The following AGBL4 variants were observed in gnomAD, a reference collection of about 807,000 sequenced individuals.
AGBL4 encodes cytosolic carboxypeptidase 6.
A neutral mutation model predicts 66.4 loss-of-function variants in AGBL4; 58 were observed. The ratio of observed to expected loss-of-function variants is 0.87; its 90% CI spans 0.71 to 1.09. AGBL4 has a LOEUF of 1.09. AGBL4 is among the 50% of genes least tolerant of loss of function. The pLI is 0.00. For synonymous variants in AGBL4, 234 were observed against 222.9 expected (o/e 1.05, Z -0.44); for missense variants, 579 against 631.0 (o/e 0.92, Z 0.88).
chr1:48,896,210 G>A (rs1651491511), intron 5 of AGBL4, among the ~76,000 whole-genome samples: 1 of 152,128 alleles, frequency 6.6e-6, no homozygotes, highest in African/African-American at 2.4e-5. Flanking sequence ...GTATCTGCAA[G>A]TTCTTTTTAA....
chr1:48,989,183 C>A (rs917473218), intron 5 of AGBL4, among the ~76,000 whole-genome samples: 1 of 151,962 alleles, frequency 6.6e-6, no homozygotes, highest in Non-Finnish European at 1.5e-5. Context: ...TCTAAATGTA[C>A]GGGTGTGTTC....
chr1:48,751,786 A>G (rs1038524031), intron 6 of AGBL4, among the ~76,000 whole-genome samples: 1 of 152,196 alleles, frequency 6.6e-6, no homozygotes, highest in Non-Finnish European at 1.5e-5. Flanking sequence ...GTTGTTAGAA[A>G]AGGGACAGCC....
At chr1:49,445,936 C>G (rs1175381695) in intron 3 of AGBL4, among the ~76,000 whole-genome samples, 1 of 152,172 alleles carries the variant, frequency 6.6e-6, no homozygotes, top group African/African-American at 2.4e-5. Flanking sequence ...ACTGCAACCT[C>G]TGTCCCCTGA....
At chr1:48,906,949 CTG>C (rs1042801947) in intron 5 of AGBL4, among the ~76,000 whole-genome samples, 27 of 152,280 alleles carry the variant, frequency 1.8e-4, no homozygotes, top group African/African-American at 5.5e-4. Flanking sequence ...TTTACATCAA[CTG>C]TGAAAAACAG....
intron 3 of AGBL4, among the ~76,000 whole-genome samples, chr1:49,302,602 T>A (rs1644768448): frequency 1.6e-5 from 2 of 128,496 alleles, no homozygotes; most frequent in South Asian, 4.9e-4. Context: ...TATATTTTAT[T>A]TTATTTTTTT....
intron 5 of AGBL4, among the ~76,000 whole-genome samples, chr1:48,952,969 C>G (rs1657127793): frequency 6.6e-6 from 1 of 152,086 alleles, no homozygotes; most frequent in Non-Finnish European, 1.5e-5. Context: ...AAATACTGAA[C>G]ATTCCTGGAC....
At chr1:49,944,039 C>T (rs1465120991) in intron 1 of AGBL4, among the ~76,000 whole-genome samples, 3 of 151,974 alleles carry the variant, frequency 2.0e-5, no homozygotes, top group African/African-American at 7.3e-5. Context: ...ACAGCAGCAA[C>T]AGCAAGACCT....
At chr1:48,666,094 G>T (rs748966795) in intron 6 of AGBL4, among the ~76,000 whole-genome samples, 3 of 152,178 alleles carry the variant, frequency 2.0e-5, no homozygotes, top group Non-Finnish European at 4.4e-5. Flanking sequence ...AAATTGCTTT[G>T]TCATTTAGAA....
chr1:49,854,216 C>G (rs936607400), intron 1 of AGBL4, among the ~76,000 whole-genome samples: 3 of 151,554 alleles, frequency 2.0e-5, no homozygotes, highest in African/African-American at 7.3e-5. Context: ...AAGTGTCAGG[C>G]CCCTCTAAAA....
chr1:49,024,058 A>G (rs552799840), intron 5 of AGBL4, among the ~76,000 whole-genome samples: 1 of 152,292 alleles, frequency 6.6e-6, no homozygotes, highest in East Asian at 1.9e-4. Flanking sequence ...TATAGGGTCA[A>G]TCAAGAAGAT....
chr1:48,826,645 A>G (rs1558021802), intron 6 of AGBL4, among the ~76,000 whole-genome samples: 1 of 152,202 alleles, frequency 6.6e-6, no homozygotes, highest in Non-Finnish European at 1.5e-5. Flanking sequence ...GGTTACAAAC[A>G]CCTCCAGATA....
At chr1:49,105,355 T>C (rs922580410) in intron 4 of AGBL4, among the ~76,000 whole-genome samples, 2 of 152,152 alleles carry the variant, frequency 1.3e-5, no homozygotes, top group African/African-American at 4.8e-5. Context: ...TGAGAGCCTG[T>C]AGGATCATAG....
At chr1:49,455,263 C>T (rs532231814) in intron 3 of AGBL4, among the ~76,000 whole-genome samples, 29 of 151,814 alleles carry the variant, frequency 1.9e-4, no homozygotes, top group Admixed American at 6.6e-4. Flanking sequence ...TCTGTTAAAA[C>T]TTCTCTACTT....
At chr1:49,041,669 A>G (rs1643945849) in intron 5 of AGBL4, among the ~76,000 whole-genome samples, 1 of 152,158 alleles carries the variant, frequency 6.6e-6, no homozygotes, top group African/African-American at 2.4e-5. Flanking sequence ...CCTACTCTAC[A>G]AAACTATTGT....
At chr1:48,665,697 A>G (rs1646175530) in intron 6 of AGBL4, among the ~76,000 whole-genome samples, 1 of 152,128 alleles carries the variant, frequency 6.6e-6, no homozygotes, top group Admixed American at 6.5e-5. Flanking sequence ...TTTACAATTT[A>G]CACAAGAGAA....
rs1474441234 is a variant in AGBL4, at chr1:49,261,704, G to T, written c.283-15840C>A. ...AACATTCCATGCTCATGGGTAGGAA[G>T]AATCAATATCGTGAAAATGGCCATA... On this transcript the variant is annotated intron_variant, in intron 3 of 13. Transcript: ENST00000371839. Among the ~76,000 whole-genome samples the T allele has an allele frequency of 2.0e-5, 3 of 150,922 alleles. No individual in the cohort carries two copies. In the East Asian group the frequency reaches 5.8e-4, roughly 29 times the overall value.
chr1:49,172,831 T>C (rs1646763016), intron 4 of AGBL4, among the ~76,000 whole-genome samples: 1 of 152,116 alleles, frequency 6.6e-6, no homozygotes, highest in Non-Finnish European at 1.5e-5. Flanking sequence ...GATTTGGATA[T>C]AATAGTACTC....
chr1:49,912,848 C>T (rs537665971), intron 1 of AGBL4, among the ~76,000 whole-genome samples: 6 of 152,278 alleles, frequency 3.9e-5, no homozygotes, highest in African/African-American at 1.4e-4. Flanking sequence ...GGCAAGAGAA[C>T]ATGTGAAATA....
At chr1:49,869,529 G>A (rs1646786992) in intron 1 of AGBL4, among the ~76,000 whole-genome samples, 2 of 152,192 alleles carry the variant, frequency 1.3e-5, no homozygotes, top group African/African-American at 2.4e-5. Context: ...TCACTTACAA[G>A]TGGAAGCTGA....
Sources: gnomAD v4.1 joint callset for allele counts (sites outside exome capture counted in the v4.1 genomes callset) on GRCh38, gnomAD v4.1.1 for gene constraint, MANE v1.5 for transcripts, NCBI Gene and HGNC (gene_info 2026-07-23, HGNC 2026-07-21) for gene names.